FREM2: variants seen among roughly 807,000 people sequenced by gnomAD.
FREM2 encodes the protein FRAS1 related extracellular matrix 2.
Under a neutral mutation model 219.9 loss-of-function variants are expected in FREM2, and 119 were observed. The observed-to-expected ratio is 0.54, with a 90% CI of 0.47 to 0.63. FREM2 has a LOEUF of 0.63. Among genes scored for constraint, FREM2 ranks in the 30% least tolerant of loss-of-function variants. The pLI, the probability that FREM2 is intolerant of heterozygous loss-of-function variation, is 0.00. For synonymous variants in FREM2, 1,562 were observed against 1,522.8 expected (o/e 1.03, Z -0.60); for missense variants, 4,030 against 3,993.6 (o/e 1.01, Z -0.25).
In FREM2 at chr13:38,689,683, A is replaced by G. The variant is rs761775053; in HGVS notation, c.2339A>G (p.Asn780Ser). ...VVTHFTQAQINHHKIAYRPPG... is the reference protein window; with the variant it reads ...VVTHFTQAQISHHKIAYRPPG... The stretch of plus-strand genomic sequence containing the variant: ...ACCCATTTTACCCAAGCCCAGATCA[A>G]CCATCATAAAATTGCTTACAGACCC... Residue 780 changes from asparagine to serine, a missense_variant, in exon 1 of 24, where the codon AAC (asparagine) becomes AGC (serine). This residue lies in a region of FREM2 where 3,102 missense variants were observed against 2,950.7 expected (regional missense o/e 1.05). Transcript: ENST00000280481. 6 of 1,614,104 alleles carry G rather than the reference A, an allele frequency of 3.7e-6. No homozygotes were observed. The highest frequency in any genetic ancestry group is 5.1e-6 in the Non-Finnish European group (6 of 1,180,010).
rs1329615237 is a variant in FREM2 at position 38,782,967 on chromosome 13, AG to A, written c.5642-98del. The A allele has an allele frequency of 6.6e-6, 9 of 1,373,238 alleles. No homozygotes were observed. In the South Asian group the frequency reaches 7.0e-5, roughly 11 times the overall value. 85.1% of individuals were successfully genotyped at this position (1,373,238 alleles called of 1,614,324 possible). ...ACTATGTTATTCTAAAGAATATTCAAGGGGGAAAAATCAATCATTAGAGAAA... is the reference window on the plus strand; with the variant it reads ...ACTATGTTATTCTAAAGAATATTCAAGGGGAAAAATCAATCATTAGAGAAA... On this transcript the variant is annotated intron_variant, in intron 4 of 23. Coordinates refer to ENST00000280481, the MANE Select transcript of FREM2 (RefSeq NM_207361.6).
rs71917471 is a variant in FREM2, at chr13:38,747,395, ATGTGTGTGTGTG to A, written c.5264-16887_5264-16876del. Among the ~76,000 whole-genome samples the A allele has an allele frequency of 8.4e-5, 12 of 142,994 alleles. No individual in the cohort carries two copies. In the South Asian group the frequency reaches 1.4e-3, roughly 16 times the overall value. 93.8% of individuals were successfully genotyped at this position (142,994 alleles called of 152,430 possible). A position where few individuals can be genotyped will look rare whatever the true frequency, so the allele number is the denominator to read the frequency against. On this transcript the variant is annotated intron_variant, in intron 2 of 23. Transcript: ENST00000280481. ...CTTGAGGGCATAAAGCTGATATAAT[ATGTGTGTGTGTG>A]TGTGTGTGTGTGTGTGTGTGTATTC...
chr13:38,876,531 A>T, intron 20 of FREM2, 149 bp downstream of exon 20: 1 of 736,166 alleles, frequency 1.4e-6, no homozygotes, highest in Admixed American at 2.4e-5. Context: ...GAAGCTAGGG[A>T]TAAAAGAATG....
intron 2 of FREM2, among the ~76,000 whole-genome samples, chr13:38,705,447 A>G (rs1320519337): frequency 6.6e-6 from 1 of 152,214 alleles, no homozygotes; most frequent in Non-Finnish European, 1.5e-5. Flanking sequence ...TGAAATGTGT[A>G]TACAGGAAGC....
At chr13:38,877,389 T>C in intron 21 of FREM2, 146 bp downstream of exon 21, 1 of 916,310 alleles carries the variant, frequency 1.1e-6, no homozygotes, top group Non-Finnish European at 1.8e-6. Context: ...CTCTGGCTGG[T>C]GTGGGAAGTC....
chr13:38,716,613 G>A (rs1019680729), intron 2 of FREM2, among the ~76,000 whole-genome samples: 3 of 151,886 alleles, frequency 2.0e-5, no homozygotes, highest in Admixed American at 1.3e-4. Context: ...TCTCAAGCAA[G>A]TCTCCTCCCT....
chr13:38,747,162 A>G (rs2442352), intron 2 of FREM2, among the ~76,000 whole-genome samples: 3,255 of 152,202 alleles, frequency 0.021, 111 homozygotes, highest in African/African-American at 0.075. Context: ...AACAGAAGAA[A>G]TATAGATCTT....
At chr13:38,711,114 G>T (rs770849947) in intron 2 of FREM2, among the ~76,000 whole-genome samples, 1 of 152,158 alleles carries the variant, frequency 6.6e-6, no homozygotes, top group Non-Finnish European at 1.5e-5. Context: ...TGTTCTGGAT[G>T]CTGTTGAGAA....
At chr13:38,759,956 G>A (rs1477141420) in intron 2 of FREM2, among the ~76,000 whole-genome samples, 1 of 152,182 alleles carries the variant, frequency 6.6e-6, no homozygotes, top group African/African-American at 2.4e-5. Context: ...AGTAAAGAGA[G>A]TTACAATAAG....
Position 38,769,707 on chromosome 13 carries a change from A to G in FREM2, c.5540A>G (p.His1847Arg), listed in dbSNP as rs752267949. 2 of 1,614,172 alleles carry G rather than the reference A, an allele frequency of 1.2e-6. No homozygotes were observed. Among genetic ancestry groups the G allele is most frequent in the Non-Finnish European group, 1.7e-6 (2 of 1,180,008 alleles). Residue 1847 changes from histidine (H) to arginine (R), a missense_variant, in exon 4 of 24, where the codon CAT (histidine) becomes CGT (arginine). This residue lies in a region of FREM2 where 3,102 missense variants were observed against 2,950.7 expected (regional missense o/e 1.05). Coordinates refer to ENST00000280481, the MANE Select transcript of FREM2 (RefSeq NM_207361.6). ...GTGCGGATCCTGAGTGATGGGGAGC[A>G]TGAGCAGTCTGAAACCTTTCAGGTG... is the stretch of plus-strand genomic sequence containing the variant. Reference protein sequence around the residue: ...WRVRILSDGEHEQSETFQVVL... With the variant: ...WRVRILSDGEREQSETFQVVL...
At chr13:38,842,057 C>T (rs1030396175) in intron 6 of FREM2, among the ~76,000 whole-genome samples, 7 of 151,924 alleles carry the variant, frequency 4.6e-5, no homozygotes, top group African/African-American at 1.2e-4. Flanking sequence ...GGTATCCGGA[C>T]GAGGAAGGAG....
At position 38,688,870 on chromosome 13, in the gene FREM2, T is replaced by C. The variant is rs1328865053; in HGVS notation, c.1526T>C (p.Val509Ala). The C allele has an allele frequency of 6.2e-7, 1 of 1,613,360 alleles. No homozygotes were observed. The highest frequency in any genetic ancestry group is 1.7e-5 in the Admixed American group (1 of 60,002). Residue 509 changes from valine to alanine, a missense_variant, in exon 1 of 24, where the codon GTG becomes GCG. Coordinates refer to ENST00000280481, the MANE Select transcript of FREM2 (RefSeq NM_207361.6). ...AGCTCTGCTCCCAAGAGCTTTACAGTGGCTGAGCTGGCAGCCGGCCAGGTG... is the reference window on the plus strand; with the variant it reads ...AGCTCTGCTCCCAAGAGCTTTACAGCGGCTGAGCTGGCAGCCGGCCAGGTG... ...SGSSAPKSFT[V>A]AELAAGQVVY...
intron 14 of FREM2, among the ~76,000 whole-genome samples, chr13:38,860,714 C>T (rs12429382): frequency 0.23 from 35,594 of 151,982 alleles, 4,967 homozygotes; most frequent in African/African-American, 0.39. Flanking sequence ...AATTCAGCGT[C>T]TTGGTTCCTT....
At chr13:38,849,190 C>T (rs1300595901) in intron 8 of FREM2, among the ~76,000 whole-genome samples, 11 of 152,162 alleles carry the variant, frequency 7.2e-5, no homozygotes, top group African/African-American at 2.7e-4. Flanking sequence ...TAGCTGACCA[C>T]ACCTTTCTCC....
intron 1 of FREM2, among the ~76,000 whole-genome samples, chr13:38,696,335 C>G (rs1022047650): frequency 6.6e-6 from 1 of 152,170 alleles, no homozygotes; most frequent in African/African-American, 2.4e-5. Context: ...TAAAGTGGAG[C>G]TATAGAAATT....
At chr13:38,833,490 C>T (rs993132748) in intron 6 of FREM2, among the ~76,000 whole-genome samples, 1 of 152,086 alleles carries the variant, frequency 6.6e-6, no homozygotes, top group African/African-American at 2.4e-5. Context: ...ACCATCTGAG[C>T]AACCAAGTTT....
At position 38,851,040 on chromosome 13, in the gene FREM2, A is replaced by C. The variant is rs143576067; in HGVS notation, c.6674A>C (p.Asn2225Thr). 2.5e-6 allele frequency: 4 copies of C among 1,613,684 alleles called. No individual in the cohort carries two copies. The African/African-American group carries it at 5.3e-5, about 22-fold the overall frequency. Residue 2225 changes from asparagine to threonine, a missense_variant, in exon 10 of 24, where the codon AAC (asparagine) becomes ACC (threonine). By Grantham distance (65) the Asn-to-Thr change is moderately conservative (BLOSUM62 0). This residue lies in a region of FREM2 where 3,102 missense variants were observed against 2,950.7 expected (regional missense o/e 1.05). Coordinates refer to ENST00000280481, the MANE Select transcript of FREM2 (RefSeq NM_207361.6). ...LRLVLGTPQS[N>T]SPFGAAVGEQ... ...CTGGTACTCGGCACTCCACAAAGCAACTCTCCCTTTGGGGCTGCAGTTGGT... is the reference window on the plus strand; with the variant it reads ...CTGGTACTCGGCACTCCACAAAGCACCTCTCCCTTTGGGGCTGCAGTTGGT...
chr13:38,859,248 C>G, intron 13 of FREM2, 39 bp from the exon 14 acceptor site: 2 of 1,598,214 alleles, frequency 1.3e-6, no homozygotes, highest in Non-Finnish European at 1.7e-6. Context: ...TCCACCTGTT[C>G]TACACTCTGT....
chr13:38,762,910 C>G (rs1184161188), intron 2 of FREM2, among the ~76,000 whole-genome samples: 1 of 152,130 alleles, frequency 6.6e-6, no homozygotes, highest in African/African-American at 2.4e-5. Flanking sequence ...GTTCCAACAA[C>G]AATTTCATAT....
Sources: gnomAD v4.1 joint callset for allele counts (sites outside exome capture counted in the v4.1 genomes callset) on GRCh38, gnomAD v4.1.1 for gene constraint, gnomAD v4.1.1 regional missense constraint, MANE v1.5 for transcripts, NCBI Gene and HGNC (gene_info 2026-07-23, HGNC 2026-07-21) for gene names.